The following CHP1 variants were observed in gnomAD, a reference collection of about 807,000 sequenced individuals.
CHP1 encodes calcineurin like EF-hand protein 1.
In CHP1, 11 loss-of-function variants were observed where a neutral mutation model predicts 27.4. The observed-to-expected ratio is 0.40, with a 90% CI of 0.25 to 0.67. The LOEUF (loss-of-function observed/expected upper bound fraction) is 0.67, where lower values mean the gene tolerates loss of function less well. CHP1 is among the 30% of genes least tolerant of loss of function. CHP1 has a pLI of 0.38. For missense variants in CHP1, 169 were observed against 251.3 expected (o/e 0.67, Z 2.22); for synonymous variants, 89 against 87.4 (o/e 1.02, Z -0.10).
Position 41,262,221 on chromosome 15 carries a change from AAAAT to A in CHP1, c.222-520_222-517del, listed in dbSNP as rs570131530. On this transcript the variant is annotated intron_variant, in intron 3 of 6. Coordinates refer to ENST00000334660, the MANE Select transcript of CHP1 (RefSeq NM_007236.5). ...TATAAGCAGAGCAAGACTCTGTCTCAAAATAAATAAATAAATAAGAAAAATTAAA... is the reference window on the plus strand; with the variant it reads ...TATAAGCAGAGCAAGACTCTGTCTCAAAATAAATAAATAAGAAAAATTAAA... 5.1e-3 allele frequency among the ~76,000 whole-genome samples: 775 copies of A among 152,126 alleles called. 9 individuals carry two copies. The highest frequency in any genetic ancestry group is 0.017 in the African/African-American group (717 of 41,524).
At chr15:41,264,677 G>T (rs894661543) in intron 4 of CHP1, among the ~76,000 whole-genome samples, 2 of 152,062 alleles carry the variant, frequency 1.3e-5, no homozygotes, top group Non-Finnish European at 1.5e-5. Flanking sequence ...AATCTTGGAC[G>T]CAAGCAGTCA....
At chr15:41,262,940 T>G in intron 4 of CHP1, 57 bp downstream of exon 4, 6 of 1,598,626 alleles carry the variant, frequency 3.8e-6, no homozygotes, top group Non-Finnish European at 5.1e-6. Context: ...TTAAAAGTCA[T>G]GTATTTACTC....
intron 5 of CHP1, 46 bp from the exon 6 acceptor site, chr15:41,278,721 C>T (rs1284792856): frequency 9.3e-6 from 15 of 1,612,324 alleles, no homozygotes; most frequent in East Asian, 2.2e-5. Context: ...TAAAGAGTCC[C>T]TCTGATTCCC....
chr15:41,271,219 C>T (rs1223890146), intron 5 of CHP1, among the ~76,000 whole-genome samples: 8 of 144,488 alleles, frequency 5.5e-5, no homozygotes, highest in Non-Finnish European at 1.0e-4. Context: ...CACTCCACTG[C>T]ACTCCAGCCT....
chr15:41,264,064 C>G (rs1301320035), intron 4 of CHP1: 5 of 545,756 alleles, frequency 9.2e-6, no homozygotes, highest in Non-Finnish European at 1.2e-5. Context: ...TTTCTCTTTA[C>G]TCTGCCATCC....
chr15:41,275,497 CA>C (rs1445339647), intron 5 of CHP1, among the ~76,000 whole-genome samples: 28 of 152,260 alleles, frequency 1.8e-4, no homozygotes, highest in East Asian at 1.7e-3. Flanking sequence ...AAAAAATAAT[CA>C]GTTTGGATAC....
chr15:41,241,065 A>G (rs529226249), intron 1 of CHP1, among the ~76,000 whole-genome samples: 1 of 152,178 alleles, frequency 6.6e-6, no homozygotes, highest in Admixed American at 6.6e-5. Context: ...GTTGGCCAGG[A>G]TGGTCTCGAT....
chr15:41,274,502 C>T (rs2047508906), intron 5 of CHP1, among the ~76,000 whole-genome samples: 1 of 152,076 alleles, frequency 6.6e-6, no homozygotes, highest in South Asian at 2.1e-4. Context: ...GATCCTCTGG[C>T]CTTAGCCTTC....
intron 4 of CHP1, among the ~76,000 whole-genome samples, chr15:41,270,115 C>T (rs996254066): frequency 6.6e-6 from 1 of 152,116 alleles, no homozygotes; most frequent in Non-Finnish European, 1.5e-5. Flanking sequence ...AAATTTGAGA[C>T]AATTTTGCCC....
At chr15:41,255,633 C>A (rs560515668) in intron 2 of CHP1, among the ~76,000 whole-genome samples, 4 of 151,954 alleles carry the variant, frequency 2.6e-5, no homozygotes, top group African/African-American at 9.7e-5. Context: ...AGAGATCAAG[C>A]CACTACACTC....
chr15:41,261,992 CA>C (rs34691506), intron 3 of CHP1, among the ~76,000 whole-genome samples: 2,842 of 84,004 alleles, frequency 0.034, 70 homozygotes, highest in African/African-American at 0.084. Flanking sequence ...AACTCCATCT[CA>C]AAAAAAAAAA....
chr15:41,247,738 C>T (rs1244346295), intron 2 of CHP1, among the ~76,000 whole-genome samples: 4 of 151,066 alleles, frequency 2.6e-5, no homozygotes, highest in South Asian at 4.2e-4. Context: ...TTTGGGAGGC[C>T]GAGGCAGGCA....
At chr15:41,237,132 C>CT (rs1163894345) in intron 1 of CHP1, among the ~76,000 whole-genome samples, 1 of 147,268 alleles carries the variant, frequency 6.8e-6, no homozygotes, top group Admixed American at 6.8e-5. Context: ...CACCTGGCCC[C>CT]TTTTTTTCTT....
chr15:41,246,999 A>G (rs2047338468), intron 2 of CHP1, among the ~76,000 whole-genome samples: 1 of 141,018 alleles, frequency 7.1e-6, no homozygotes, highest in East Asian at 2.2e-4. Flanking sequence ...TGGGCTACAG[A>G]GCGAGACTCT....
chr15:41,264,952 G>A (rs1172082376), intron 4 of CHP1, among the ~76,000 whole-genome samples: 2 of 152,182 alleles, frequency 1.3e-5, no homozygotes, highest in African/African-American at 4.8e-5. Context: ...GCTTCTCTTT[G>A]AAGTTCCCAC....
intron 5 of CHP1, among the ~76,000 whole-genome samples, chr15:41,272,962 C>T (rs1324320847): frequency 6.6e-6 from 1 of 151,834 alleles, no homozygotes; most frequent in Non-Finnish European, 1.5e-5. Flanking sequence ...GAGGCTGAGG[C>T]AGGAGAATGG....
chr15:41,234,989 AAC>A (rs1214505866), intron 1 of CHP1, among the ~76,000 whole-genome samples: 2 of 152,214 alleles, frequency 1.3e-5, no homozygotes, highest in African/African-American at 4.8e-5. Context: ...AGGAGTTTTT[AAC>A]AGTTTATGAA....
chr15:41,239,070 A>C (rs147174961), intron 1 of CHP1, among the ~76,000 whole-genome samples: 3 of 152,216 alleles, frequency 2.0e-5, no homozygotes, highest in African/African-American at 7.2e-5. Flanking sequence ...GCTCCTTTAT[A>C]GGTAGATTGG....
chr15:41,279,482 C>T lies in CHP1; in HGVS notation c.*93C>T. ...ACTCCACCTCCACCCCCTCATTCCC[C>T]TTCTCCCAAAGTACTACTGCTGTTG... On this transcript the variant is annotated 3_prime_UTR_variant, in exon 7 of 7. Transcript: ENST00000334660. 3 of 1,057,712 alleles carry T rather than the reference C, an allele frequency of 2.8e-6. No individual in the cohort carries two copies. Among genetic ancestry groups the T allele is most frequent in the Non-Finnish European group, 4.3e-6 (3 of 692,320 alleles). The allele number at this position is 1,057,712 out of a possible 1,614,324, so 65.5% of individuals were successfully genotyped here.
Sources: gnomAD v4.1 joint callset for allele counts (sites outside exome capture counted in the v4.1 genomes callset) on GRCh38, gnomAD v4.1.1 for gene constraint, MANE v1.5 for transcripts, NCBI Gene and HGNC (gene_info 2026-07-23, HGNC 2026-07-21) for gene names.